Variants in PRH1 observed in about 807,000 individuals in gnomAD.
PRH1 encodes salivary acidic proline-rich phosphoprotein 1/2.
A neutral mutation model predicts 7.9 loss-of-function variants in PRH1; 7 were observed. That is an observed-to-expected ratio of 0.89 (90% CI 0.50 to 1.67). PRH1 has a LOEUF of 1.67. Ranked by LOEUF, PRH1 falls within the 40% of genes most tolerant of loss-of-function variation. The pLI, the probability that PRH1 is intolerant of heterozygous loss-of-function variation, is 0.00. For synonymous variants in PRH1, 45 were observed against 80.8 expected, an observed-to-expected ratio of 0.56 and a Z score of 2.38; for missense variants, 109 against 223.6, an observed-to-expected ratio of 0.49 and a Z score of 3.27.
At chr12:11,169,577 T>G (rs765013745) in intron 1 of PRH1, among the ~76,000 whole-genome samples, 1 of 152,060 alleles carries the variant, frequency 6.6e-6, no homozygotes, top group Non-Finnish European at 1.5e-5. Flanking sequence ...AAAAGAGGAA[T>G]AGAAGACAGA....
chr12:11,022,354 G>A, intron 1 of PRH1: 6 of 1,614,108 alleles, frequency 3.7e-6, no homozygotes, highest in Non-Finnish European at 5.1e-6. Context: ...ATATAAAGCA[G>A]AATTAAACAC....
intron 1 of PRH1, among the ~76,000 whole-genome samples, chr12:11,084,319 T>A (rs916988952): frequency 6.6e-6 from 1 of 150,960 alleles, no homozygotes; most frequent in East Asian, 1.9e-4. Flanking sequence ...ACAGTTCATT[T>A]TGATTGCTGT....
chr12:11,169,323 A>C (rs1565727746), intron 1 of PRH1, among the ~76,000 whole-genome samples: 1 of 152,222 alleles, frequency 6.6e-6, no homozygotes. Flanking sequence ...AACCACCTAA[A>C]TTATTGCTCC....
chr12:11,101,209 C>G (rs1945236530), intron 1 of PRH1, among the ~76,000 whole-genome samples: 1 of 152,064 alleles, frequency 6.6e-6, no homozygotes, highest in Admixed American at 6.6e-5. Context: ...ATGTTTTGGG[C>G]CAGGTGTGGT....
chr12:11,148,156 G>T (rs1946930668), intron 1 of PRH1, among the ~76,000 whole-genome samples: 1 of 141,732 alleles, frequency 7.1e-6, no homozygotes, highest in Admixed American at 7.2e-5. Context: ...AGACTTTGCT[G>T]AAGTTGCTTA....
chr12:11,023,724 T>C (rs766363725), intron 1 of PRH1, among the ~76,000 whole-genome samples: 1 of 152,236 alleles, frequency 6.6e-6, no homozygotes, highest in Non-Finnish European at 1.5e-5. Context: ...GAGAAACTAA[T>C]GGAGTCAGAA....
intron 1 of PRH1, among the ~76,000 whole-genome samples, chr12:11,001,760 C>G (rs1940606160): frequency 6.6e-6 from 1 of 151,992 alleles, no homozygotes. Flanking sequence ...TGTTATAAAT[C>G]AATTATTTAA....
At chr12:11,045,056 G>C (rs986004078) in intron 1 of PRH1, among the ~76,000 whole-genome samples, 1 of 152,092 alleles carries the variant, frequency 6.6e-6, no homozygotes, top group African/African-American at 2.4e-5. Flanking sequence ...GAAGCAACCT[G>C]AGTGTCCAGC....
intron 1 of PRH1, among the ~76,000 whole-genome samples, chr12:11,063,047 C>T (rs1017460626): frequency 6.6e-6 from 1 of 151,990 alleles, no homozygotes; most frequent in African/African-American, 2.4e-5. Context: ...TGAAGTTAGT[C>T]CTATTTTCCC....
chr12:11,139,559 G>A (rs573752401), intron 1 of PRH1, among the ~76,000 whole-genome samples: 4 of 152,036 alleles, frequency 2.6e-5, no homozygotes, highest in Non-Finnish European at 2.9e-5. Flanking sequence ...TATCTATGTA[G>A]CTCAAATTTG....
In PRH1 at chr12:11,089,177, C is replaced by T. The variant is rs1200626834; in HGVS notation, n.124-41989G>A. Reference sequence around the variant, plus strand: ...CCCCTGGCTAGTACCTTGCCCGATCCAGGTCATCATTCCATTTGGGACTTG... The same window carrying T: ...CCCCTGGCTAGTACCTTGCCCGATCTAGGTCATCATTCCATTTGGGACTTG... On this transcript the variant is annotated intron_variant and non_coding_transcript_variant, in intron 1 of 4. Coordinates refer to the PRH1 transcript ENST00000541977. 2.6e-5 allele frequency among the ~76,000 whole-genome samples: 3 copies of T among 115,492 alleles called. 1 individual carries two copies. The highest frequency in any genetic ancestry group is 4.1e-5 in the Non-Finnish European group (2 of 48,828). 75.8% of individuals were successfully genotyped at this position (115,492 alleles called of 152,430 possible).
intron 1 of PRH1, among the ~76,000 whole-genome samples, chr12:11,124,498 T>G (rs1946036002): frequency 2.6e-5 from 4 of 152,286 alleles, no homozygotes; most frequent in Admixed American, 2.6e-4. Context: ...TGGATTAGTT[T>G]AATATCATCT....
At chr12:10,934,824 CAAAT>C (rs1334925432) in intron 2 of PRH1, among the ~76,000 whole-genome samples, 4 of 152,094 alleles carry the variant, frequency 2.6e-5, no homozygotes, top group Admixed American at 6.6e-5. Context: ...TGTTAATAAA[CAAAT>C]AAAGACAATT....
intron 2 of PRH1, among the ~76,000 whole-genome samples, chr12:10,962,931 T>C (rs192172124): frequency 6.6e-6 from 1 of 152,100 alleles, no homozygotes; most frequent in Non-Finnish European, 1.5e-5. Context: ...CACCACGCCC[T>C]GCTAATTTTT....
chr12:10,933,902 A>T (rs140936001), intron 2 of PRH1, among the ~76,000 whole-genome samples: 76 of 152,270 alleles, frequency 5.0e-4, no homozygotes, highest in African/African-American at 1.8e-3. Context: ...GGAAGGAGTA[A>T]AATTACCACC....
chr12:10,901,767 C>T (rs1229581080), intron 2 of PRH1, among the ~76,000 whole-genome samples: 1 of 151,634 alleles, frequency 6.6e-6, no homozygotes, highest in East Asian at 1.9e-4. Context: ...AAGACCTACC[C>T]AGAATTCTCT....
chr12:10,898,850 A>T (rs886151571), intron 2 of PRH1, among the ~76,000 whole-genome samples: 1 of 152,342 alleles, frequency 6.6e-6, no homozygotes, highest in Non-Finnish European at 1.5e-5. Context: ...GTGTGCTAAC[A>T]TTGGATGTAC....
At chr12:10,959,026 T>C (rs1938108579) in intron 2 of PRH1, among the ~76,000 whole-genome samples, 1 of 152,218 alleles carries the variant, frequency 6.6e-6, no homozygotes, top group African/African-American at 2.4e-5. Flanking sequence ...GCAAATATCC[T>C]GGCAAGATAT....
At chr12:10,971,209 A>G (rs1389784951) in intron 2 of PRH1, among the ~76,000 whole-genome samples, 1 of 152,010 alleles carries the variant, frequency 6.6e-6, no homozygotes, top group Non-Finnish European at 1.5e-5. Context: ...CCTCCCTACT[A>G]TCCATATTGT....
Sources: allele counts gnomAD v4.1 joint callset (sites outside exome capture counted in the v4.1 genomes callset), GRCh38; gene constraint gnomAD v4.1.1; transcripts MANE v1.5; gene names NCBI Gene and HGNC (gene_info 2026-07-23, HGNC 2026-07-21).